The following SEC22B variants were observed in gnomAD, a reference collection of about 807,000 sequenced individuals.
SEC22B encodes vesicle-trafficking protein SEC22b.
In SEC22B, 10 loss-of-function variants were observed where a neutral mutation model predicts 31.4. The ratio of observed to expected loss-of-function variants is 0.32; its 90% CI spans 0.20 to 0.54. The LOEUF (loss-of-function observed/expected upper bound fraction) is 0.54. Ranked by LOEUF, SEC22B falls within the 20% of genes least tolerant of loss-of-function variation. The pLI is 0.94. For synonymous variants in SEC22B, 60 were observed against 95.9 expected (o/e 0.63, Z 2.19); for missense variants, 130 against 263.4 (o/e 0.49, Z 3.50).
chr1:120,161,691 T>A (rs1308754474), intron 3 of SEC22B, among the ~76,000 whole-genome samples: 1 of 152,004 alleles, frequency 6.6e-6, no homozygotes, highest in East Asian at 1.9e-4. Context: ...AGAGCGAGAC[T>A]CTGTCTCTAA....
Position 120,163,289 on chromosome 1 carries a change from T to A in SEC22B, c.267A>T (p.Glu89Asp). 1 of 1,601,936 alleles carries A rather than the reference T, an allele frequency of 6.2e-7. No homozygotes were observed. The highest frequency in any genetic ancestry group is 1.1e-5 in the South Asian group (1 of 90,132). Residue 89 changes from glutamate (E) to aspartate (D), a missense_variant, in exon 3 of 5, where the codon GAA (glutamate) becomes GAT (aspartate). This residue lies in a region of SEC22B where 41 missense variants were observed against 124.9 expected (regional missense o/e 0.33). Coordinates refer to ENST00000578049, the MANE Select transcript of SEC22B (RefSeq NM_004892.6). ...FPKKLAFAYL[E>D]DLHSEFDEQH... The stretch of plus-strand genomic sequence containing the variant: ...GTTCATCAAATTCTGAGTGCAAATC[T>A]TCTAGGTAGGCAAAAGCCAACTTCT...
intron 1 of SEC22B, among the ~76,000 whole-genome samples, chr1:120,175,642 T>G (rs1179741195): frequency 1.3e-5 from 2 of 152,104 alleles, no homozygotes; most frequent in Admixed American, 6.6e-5. Flanking sequence ...GAGCACCTAC[T>G]AGCATAAAGC....
rs1313139684 is a variant in SEC22B, at chr1:120,176,455, A to G, written c.-74T>C. 13 of 1,327,972 alleles carry G rather than the reference A, an allele frequency of 9.8e-6. No individual in the cohort carries two copies. Among genetic ancestry groups the G allele is most frequent in the Non-Finnish European group, 1.4e-5 (13 of 932,424 alleles). The allele number at this position is 1,327,972 out of a possible 1,614,324, so 82.3% of individuals were successfully genotyped here. ...CGTCCTCACTTCCTCCGCCGCGACA[A>G]CAGTTATACCCTATGTCTCAGTTAC... is the stretch of plus-strand genomic sequence containing the variant. On this transcript the variant is annotated 5_prime_UTR_variant, in exon 1 of 5. Transcript: ENST00000578049.
At position 120,160,370 on chromosome 1, in the gene SEC22B, T is replaced by C. The variant is rs1570866034; in HGVS notation, c.493+14A>G. ...GAGAACCATTTCTTCATAAGACTCATTGCTTTTAGATACCTGAGAGTGCTT... is the reference window on the plus strand; with the variant it reads ...GAGAACCATTTCTTCATAAGACTCACTGCTTTTAGATACCTGAGAGTGCTT... On this transcript the variant is annotated intron_variant, in intron 4 of 4. Coordinates refer to ENST00000578049, the MANE Select transcript of SEC22B (RefSeq NM_004892.6). The C allele has an allele frequency of 2.5e-6, 4 of 1,599,762 alleles. No individual in the cohort carries two copies. The highest frequency in any genetic ancestry group is 4.5e-5 in the East Asian group (2 of 44,686).
intron 1 of SEC22B, among the ~76,000 whole-genome samples, chr1:120,169,632 C>A (rs1657865705): frequency 6.8e-6 from 1 of 147,380 alleles, no homozygotes; most frequent in African/African-American, 2.5e-5. Flanking sequence ...TTTTCCTGAA[C>A]AATTTCTAAC....
At chr1:120,174,609 TA>T (rs1384501226) in intron 1 of SEC22B, among the ~76,000 whole-genome samples, 2 of 149,376 alleles carry the variant, frequency 1.3e-5, no homozygotes, top group African/African-American at 4.9e-5. Context: ...CCACTAATAT[TA>T]AGTAGACTTT....
chr1:120,167,458 A>T (rs1657830224), intron 2 of SEC22B, among the ~76,000 whole-genome samples: 1 of 151,876 alleles, frequency 6.6e-6, no homozygotes, highest in African/African-American at 2.4e-5. Flanking sequence ...TCATATGTTC[A>T]ATTCTACCAT....
chr1:120,166,761 G>A (rs1163938031), intron 2 of SEC22B, among the ~76,000 whole-genome samples: 4 of 149,266 alleles, frequency 2.7e-5, no homozygotes, highest in East Asian at 1.9e-4. Flanking sequence ...AACTTACCAC[G>A]TATTTTCAAA....
intron 1 of SEC22B, among the ~76,000 whole-genome samples, chr1:120,170,606 C>T (rs1434817850): frequency 6.6e-6 from 1 of 151,348 alleles, no homozygotes; most frequent in Admixed American, 6.6e-5. Context: ...TTTAATACCA[C>T]TGTTATGGCA....
At chr1:120,172,129 T>A (rs1657904186) in intron 1 of SEC22B, among the ~76,000 whole-genome samples, 1 of 102,484 alleles carries the variant, frequency 9.8e-6, no homozygotes, top group South Asian at 3.7e-4. Flanking sequence ...TAATCCCAGC[T>A]ACTCGGGAGG....
rs1657750585 is a variant in SEC22B, at chr1:120,163,374, G to A, written c.186-4C>T. On this transcript the variant is annotated splice_region_variant and splice_polypyrimidine_tract_variant and intron_variant, in intron 2 of 4. Transcript: ENST00000578049. ...CACCCCCTGCTCAATAATGTAGCTG[G>A]TGAGACATAAAAAGCAAGACAAAGT... The A allele has an allele frequency of 3.8e-6, 6 of 1,560,058 alleles. No individual in the cohort carries two copies. The highest frequency in any genetic ancestry group is 2.9e-5 in the African/African-American group (2 of 68,418).
At position 120,161,922 on chromosome 1, in the gene SEC22B, C is replaced by T. The variant is rs1157512416; in HGVS notation, c.346+1288G>A. Among the ~76,000 whole-genome samples, 5 of 131,682 alleles carry T rather than the reference C, an allele frequency of 3.8e-5. 1 individual carries two copies. Among genetic ancestry groups the T allele is most frequent in the Admixed American group, 2.8e-4 (4 of 14,466 alleles). 86.4% of individuals were successfully genotyped at this position (131,682 alleles called of 152,430 possible). ...CACTGGGAAGCTGACTTGGATGAAG[C>T]GCCTCAAGACTCCTTGCTCTGTGCC... On this transcript the variant is annotated intron_variant, in intron 3 of 4. Transcript: ENST00000578049.
In SEC22B at chr1:120,151,760, A is replaced by G. The variant is rs1480060081; in HGVS notation, c.*5278T>C. 33 of 151,960 alleles carry G rather than the reference A, an allele frequency of 2.2e-4. No homozygotes were observed. The highest frequency in any genetic ancestry group is 7.9e-4 in the African/African-American group (33 of 41,556). 9.4% of individuals were successfully genotyped at this position (151,960 alleles called of 1,614,324 possible). On this transcript the variant is annotated 3_prime_UTR_variant, in exon 5 of 5. Transcript: ENST00000578049. ...AATCAGTAAGGAGGGTACTCCAAGA[A>G]TCCATGTTAAAGTTAATGAGGGCTT...
chr1:120,167,394 GT>G (rs1191987460), intron 2 of SEC22B, among the ~76,000 whole-genome samples: 2,499 of 151,958 alleles, frequency 0.016, 73 homozygotes, highest in African/African-American at 0.057. Context: ...TGCTTATATT[GT>G]TTTTTCTAAC....
chr1:120,160,110 T>C (rs1225449886), intron 4 of SEC22B, among the ~76,000 whole-genome samples: 1 of 148,410 alleles, frequency 6.7e-6, no homozygotes, highest in African/African-American at 2.6e-5. Context: ...CCTTAATTTA[T>C]ACAAGTTATA....
At chr1:120,167,968 T>C (rs1238148844) in intron 2 of SEC22B, among the ~76,000 whole-genome samples, 1 of 151,984 alleles carries the variant, frequency 6.6e-6, no homozygotes, top group East Asian at 1.9e-4. Context: ...TAAAACATAA[T>C]GTCCAACATT....
chr1:120,171,935 G>A (rs1657901456), intron 1 of SEC22B, among the ~76,000 whole-genome samples: 1 of 151,502 alleles, frequency 6.6e-6, no homozygotes, highest in Non-Finnish European at 1.5e-5. Flanking sequence ...ATTCTGATCT[G>A]TGAACCTTTA....
At position 120,161,983 on chromosome 1, in the gene SEC22B, G is replaced by A; in HGVS notation, c.346+1227C>T. ...AGGCAATGAAGAAGCCCCAACAGTA[G>A]GGAAGAAGGAGAACAGACAGTGAGT... On this transcript the variant is annotated intron_variant, in intron 3 of 4. Coordinates refer to ENST00000578049, the MANE Select transcript of SEC22B (RefSeq NM_004892.6). 1.5e-5 allele frequency among the ~76,000 whole-genome samples: 2 copies of A among 136,408 alleles called. 1 individual carries two copies. Among genetic ancestry groups the A allele is most frequent in the South Asian group, 4.6e-4 (2 of 4,382 alleles). The allele number at this position is 136,408 out of a possible 152,430, so 89.5% of individuals were successfully genotyped here.
rs1415931203 is a variant in SEC22B at position 120,171,163 on chromosome 1, G to A, written c.76-2214C>T. Among the ~76,000 whole-genome samples, 29 of 132,938 alleles carry A rather than the reference G, an allele frequency of 2.2e-4. 3 individuals are homozygous for A. Among genetic ancestry groups the A allele is most frequent in the East Asian group, 8.2e-4 (4 of 4,868 alleles). 87.2% of individuals were successfully genotyped at this position (132,938 alleles called of 152,430 possible). ...ACCAAACCAATTAAGTCAGCATCTC[G>A]GAGGTGGGGCTGTGATATCGGTATT... On this transcript the variant is annotated intron_variant, in intron 1 of 4. Coordinates refer to ENST00000578049, the MANE Select transcript of SEC22B (RefSeq NM_004892.6).
Sources: gnomAD v4.1 joint callset for allele counts (sites outside exome capture counted in the v4.1 genomes callset) on GRCh38, gnomAD v4.1.1 for gene constraint, gnomAD v4.1.1 regional missense constraint, MANE v1.5 for transcripts, NCBI Gene and HGNC (gene_info 2026-07-23, HGNC 2026-07-21) for gene names.